Variants in MUC5B observed in about 807,000 individuals in gnomAD.
MUC5B encodes mucin-5B.
A neutral mutation model predicts 376.9 loss-of-function variants in MUC5B; 116 were observed. The ratio of observed to expected loss-of-function variants is 0.31; its 90% CI spans 0.26 to 0.36. The LOEUF (loss-of-function observed/expected upper bound fraction) is 0.36. Ranked by LOEUF, MUC5B falls within the 10% of genes least tolerant of loss-of-function variation. The pLI is 1.00. For synonymous variants in MUC5B, 3,517 were observed against 3,390.9 expected, an observed-to-expected ratio of 1.04 and a Z score of -1.29; for missense variants, 7,165 against 7,769.9, an observed-to-expected ratio of 0.92 and a Z score of 2.93.
At position 1,252,503 on chromosome 11, in the gene MUC5B, C is replaced by G; in HGVS notation, c.15024C>G (p.Asp5008Glu). The G allele has an allele frequency of 6.4e-7, 1 of 1,564,672 alleles. No individual in the cohort carries two copies. Among genetic ancestry groups the G allele is most frequent in the East Asian group, 2.3e-5 (1 of 44,416 alleles). Reference protein sequence around the residue: ...LSSPSPAPGCDNAIPLRQVNE... With the variant: ...LSSPSPAPGCENAIPLRQVNE... ...CGCCCTCCCCTGCCCCTGGCTGTGA[C>G]AATGCCATCCCTCTCCGGCAGGTGG... is the stretch of plus-strand genomic sequence containing the variant. Residue 5008 changes from aspartate (D) to glutamate (E), a missense_variant, in exon 32 of 49, where the codon GAC (aspartate) becomes GAG (glutamate). Physicochemically the swap from Asp to Glu is conservative, Grantham distance 45. Coordinates refer to ENST00000529681, the MANE Select transcript of MUC5B (RefSeq NM_002458.3).
chr11:1,251,289 C>A lies in MUC5B; in HGVS notation c.14409C>A (p.Thr4803=). The stretch of plus-strand genomic sequence containing the variant: ...CCACAGCCACCATGACAAGGGCCAC[C>A]AATTCCACGGCCACACCCTCCTCCA... The part of the protein sequence containing the change: ...LTTTATMTRA[T]NSTATPSSTL... The change falls in exon 31 of 49, where the codon ACC becomes ACA. Residue 4803 remains threonine, a synonymous_variant. Coordinates refer to ENST00000529681, the MANE Select transcript of MUC5B (RefSeq NM_002458.3). 6.2e-7 allele frequency: 1 copy of A among 1,610,198 alleles called. No individual in the cohort carries two copies. The highest frequency in any genetic ancestry group is 1.1e-5 in the South Asian group (1 of 91,018).
chr11:1,228,536 G>A (rs1861941698), intron 7 of MUC5B, 28 bp from the exon 8 acceptor site: 19 of 1,490,544 alleles, frequency 1.3e-5, no homozygotes, highest in Non-Finnish European at 1.7e-5. Flanking sequence ...TGGCAGGGGT[G>A]CCCAGCCTGG....
chr11:1,247,322 C>T lies in MUC5B; in HGVS notation c.10442C>T (p.Thr3481Ile). The T allele has an allele frequency of 6.2e-7, 1 of 1,611,508 alleles. No individual in the cohort carries two copies. The highest frequency in any genetic ancestry group is 8.5e-7 in the Non-Finnish European group (1 of 1,179,552). Residue 3481 changes from threonine to isoleucine, a missense_variant, in exon 31 of 49, where the codon ACC becomes ATC. Physicochemically the swap from Thr to Ile is moderately conservative, Grantham distance 89. Around this residue, in one of 31 missense-constraint regions of MUC5B, gnomAD observed 939 missense variants for 770.6 expected, o/e 1.22. Coordinates refer to ENST00000529681, the MANE Select transcript of MUC5B (RefSeq NM_002458.3). ...TCGGCCACCTCGGGCATCTTGGGCA[C>T]CACCCACATCACAGAGCCTTCCACG... ...WTSATSGILG[T>I]THITEPSTVT...
intron 1 of MUC5B, among the ~76,000 whole-genome samples, chr11:1,224,642 G>T (rs974305503): frequency 6.6e-6 from 1 of 151,932 alleles, no homozygotes; most frequent in Non-Finnish European, 1.5e-5. Context: ...GGCTGGTTGG[G>T]CTGGCACACA....
chr11:1,229,942 G>T, intron 10 of MUC5B, 63 bp from the exon 11 acceptor site: 1 of 1,557,310 alleles, frequency 6.4e-7, no homozygotes, highest in Non-Finnish European at 8.7e-7. Context: ...TGCGGTGGGG[G>T]TGTGGAGGGT....
In MUC5B at chr11:1,253,020, G is replaced by A. The variant is rs778516616; in HGVS notation, c.15217+40G>A. The A allele has an allele frequency of 8.1e-6, 13 of 1,609,840 alleles. No homozygotes were observed. Among genetic ancestry groups the A allele is most frequent in the Admixed American group, 1.7e-5 (1 of 59,902 alleles). On this transcript the variant is annotated intron_variant, in intron 33 of 48. Coordinates refer to ENST00000529681, the MANE Select transcript of MUC5B (RefSeq NM_002458.3). This position sits in a 1 kb window ranked among gnomAD's most constrained non-coding sequence, Gnocchi z 4.3. ...GGCCGCGGGATTACCCCGGGGGCAG[G>A]TGGAGCAGAGTGCACCGTCGGCTAG...
intron 48 of MUC5B, among the ~76,000 whole-genome samples, chr11:1,260,969 C>T (rs1037767735): frequency 8.5e-5 from 13 of 152,188 alleles, no homozygotes; most frequent in Admixed American, 2.0e-4. Flanking sequence ...CTCCCCGCTG[C>T]GAACCCAGGT....
intron 9 of MUC5B, 115 bp from the exon 10 acceptor site, chr11:1,229,575 T>TGTCCTGGAG (rs1173790826): frequency 1.1e-6 from 1 of 951,778 alleles, no homozygotes; most frequent in Non-Finnish European, 1.6e-6. Flanking sequence ...GCGGGGGCGG[T>TGTCCTGGAG]GTCCTGGAGC....
At chr11:1,230,384 C>A (rs1861997651) in intron 11 of MUC5B, 106 bp from the exon 12 acceptor site, 1 of 1,215,228 alleles carries the variant, frequency 8.2e-7, no homozygotes, top group Admixed American at 2.3e-5. Flanking sequence ...CAAGGACCAC[C>A]TCCCCACAGA....
rs368715798 is a variant in MUC5B at position 1,248,276 on chromosome 11, C to A, written c.11396C>A (p.Ser3799Tyr). Reference sequence around the variant, plus strand: ...GCTACCAGCTTTACAGCCATCCCCTCCTCCTCCCTGGGCACCACCTGGACC... The same window carrying A: ...GCTACCAGCTTTACAGCCATCCCCTACTCCTCCCTGGGCACCACCTGGACC... ...PTATSFTAIPSSSLGTTWTRL... is the reference protein window; with the variant it reads ...PTATSFTAIPYSSLGTTWTRL... The change falls in exon 31 of 49, where the codon TCC becomes TAC. Residue 3799 changes from serine (S) to tyrosine (Y), a missense_variant. Coordinates refer to ENST00000529681, the MANE Select transcript of MUC5B (RefSeq NM_002458.3). 3.4e-5 allele frequency: 54 copies of A among 1,599,808 alleles called. 1 individual carries two copies. Among genetic ancestry groups the A allele is most frequent in the Non-Finnish European group, 4.5e-5 (53 of 1,170,592 alleles).
intron 23 of MUC5B, among the ~76,000 whole-genome samples, chr11:1,235,944 A>T (rs963712975): frequency 6.6e-6 from 1 of 152,014 alleles, no homozygotes. Flanking sequence ...GCCACGATTC[A>T]CCCTGCCACA....
At chr11:1,233,880 C>T (rs1439104842) in intron 19 of MUC5B, 32 bp downstream of exon 19, 19 of 1,557,618 alleles carry the variant, frequency 1.2e-5, no homozygotes, top group Non-Finnish European at 1.7e-5. Context: ...CCCTGCCCTG[C>T]CCCGCCCCGC....
Position 1,230,598 on chromosome 11 carries a change from A to C in MUC5B, c.1468A>C (p.Thr490Pro). The C allele has an allele frequency of 6.2e-7, 1 of 1,606,574 alleles. No individual in the cohort carries two copies. The highest frequency in any genetic ancestry group is 1.7e-4 in the Middle Eastern group (1 of 6,040). ...GACGCTCAGCCTGGACGGCGGGGAC[A>C]CGGTGAGGACCTGGCTGGGGCCCTG... ...AVTLSLDGGD[T>P]AIRVQADGGV... The change falls in exon 12 of 49, where the codon ACG (threonine) becomes CCG (proline). Residue 490 changes from threonine to proline, a missense_variant and splice_region_variant. Thr to Pro is a conservative substitution (Grantham distance 38). This residue lies in a region of MUC5B where 640 missense variants were observed against 733.0 expected (regional missense o/e 0.87). Transcript: ENST00000529681.
In MUC5B at chr11:1,242,987, T is replaced by C; in HGVS notation, c.6107T>C (p.Val2036Ala). ...ACCACAACTGGGGCCACCGGCTCTG[T>C]GGCCACCCCCTCCTCCACCCCAGGA... Reference protein sequence around the residue: ...TATTTGATGSVATPSSTPGTA... With the variant: ...TATTTGATGSAATPSSTPGTA... The change falls in exon 31 of 49, where the codon GTG (valine) becomes GCG (alanine). Residue 2036 changes from valine (V) to alanine (A), a missense_variant. Physicochemically the swap from Val to Ala is moderately conservative, Grantham distance 64 (BLOSUM62 0). Transcript: ENST00000529681. The C allele has an allele frequency of 1.2e-6, 2 of 1,608,952 alleles. No homozygotes were observed. The highest frequency in any genetic ancestry group is 2.2e-5 in the South Asian group (2 of 90,774).
At position 1,227,116 on chromosome 11, in the gene MUC5B, T is replaced by C; in HGVS notation, c.547T>C (p.Phe183Leu). 2 of 1,612,442 alleles carry C rather than the reference T, an allele frequency of 1.2e-6. No individual in the cohort carries two copies. The highest frequency in any genetic ancestry group is 2.2e-5 in the East Asian group (1 of 44,866). ...GGTCAGCATCCGGCTGGTGCTGACA[T>C]TCCTGTGGAACGGAGAGGACAGTGC... ...IKVSIRLVLT[F>L]LWNGEDSALL... The change falls in exon 5 of 49, where the codon TTC becomes CTC. Residue 183 changes from phenylalanine to leucine, a missense_variant. Transcript: ENST00000529681.
In MUC5B at chr11:1,246,159, A is replaced by G. The variant is rs1323409740; in HGVS notation, c.9279A>G (p.Thr3093=). The change falls in exon 31 of 49, where the codon ACA becomes ACG. Residue 3093 remains threonine (T), a synonymous_variant. Coordinates refer to ENST00000529681, the MANE Select transcript of MUC5B (RefSeq NM_002458.3). ...CCACACCCATGGCCACCATGTCCAC[A>G]ATCCACCCCTCCTCCACTCCGGAGA... ...QTTTPMATMS[T]IHPSSTPETT... 6.2e-7 allele frequency: 1 copy of G among 1,606,690 alleles called. No homozygotes were observed. The highest frequency in any genetic ancestry group is 8.5e-7 in the Non-Finnish European group (1 of 1,178,034).
intron 46 of MUC5B, 96 bp downstream of exon 46, chr11:1,260,181 C>T (rs1349731523): frequency 7.8e-6 from 11 of 1,410,730 alleles, no homozygotes; most frequent in South Asian, 1.3e-5. Context: ...GGAGGCCCCA[C>T]CCCTGCTGGG....
intron 25 of MUC5B, among the ~76,000 whole-genome samples, 159 bp from the exon 26 acceptor site, chr11:1,238,712 T>C (rs1216105655): frequency 4.0e-5 from 6 of 151,302 alleles, no homozygotes. Flanking sequence ...CAGCTCCCAT[T>C]TGGGGCACGC....
rs765362391 is a variant in MUC5B, at chr11:1,248,629, A to G, written c.11749A>G (p.Thr3917Ala). 1 of 1,604,466 alleles carries G rather than the reference A, an allele frequency of 6.2e-7. No individual in the cohort carries two copies. The highest frequency in any genetic ancestry group is 1.4e-5 in the African/African-American group (1 of 71,782). ...SSVPGTTHTP[T>A]VLTTTTTTVA... ...CGTCCCGGGGACCACCCACACCCCC[A>G]CAGTGCTGACCACCACCACCACAAC... Residue 3917 changes from threonine to alanine, a missense_variant, in exon 31 of 49, where the codon ACA becomes GCA. Physicochemically the swap from Thr to Ala is moderately conservative, Grantham distance 58. Coordinates refer to ENST00000529681, the MANE Select transcript of MUC5B (RefSeq NM_002458.3).
Sources: gnomAD v4.1 joint callset for allele counts (sites outside exome capture counted in the v4.1 genomes callset) on GRCh38, gnomAD v4.1.1 for gene constraint, gnomAD v4.1.1 regional missense constraint, Gnocchi (gnomAD v3.1) non-coding constraint, MANE v1.5 for transcripts, NCBI Gene and HGNC (gene_info 2026-07-23, HGNC 2026-07-21) for gene names.